CHD7: variants seen among roughly 807,000 people sequenced by gnomAD.
CHD7 encodes the protein chromodomain helicase DNA binding protein 7.
A neutral mutation model predicts 307.3 loss-of-function variants in CHD7; 24 were observed. That is an observed-to-expected ratio of 0.08 (90% confidence interval 0.06 to 0.11). CHD7 has a LOEUF of 0.11. Among genes scored for constraint, CHD7 ranks in the 10% least tolerant of loss-of-function variants. The pLI is 1.00. For missense variants in CHD7, 3,106 were observed against 3,727.1 expected (o/e 0.83, Z 4.34); for synonymous variants, 1,363 against 1,349.9 (o/e 1.01, Z -0.21).
intron 7 of CHD7, among the ~76,000 whole-genome samples, chr8:60,809,940 C>T (rs1477042828): frequency 1.3e-5 from 2 of 152,102 alleles, no homozygotes. Context: ...ATCATTTCTT[C>T]TACATTGATT....
chr8:60,772,750 G>A (rs1480312402), intron 2 of CHD7, among the ~76,000 whole-genome samples: 1 of 152,206 alleles, frequency 6.6e-6, no homozygotes, highest in Admixed American at 6.5e-5. Flanking sequence ...AAAGAGAGAA[G>A]GGAGAGAATG....
At chr8:60,681,289 C>T (rs989891718) in intron 1 of CHD7, among the ~76,000 whole-genome samples, 1 of 152,174 alleles carries the variant, frequency 6.6e-6, no homozygotes, top group Non-Finnish European at 1.5e-5. Flanking sequence ...GAAGTTGAAT[C>T]CTTCTCCCAG....
rs1482121538 is a variant in CHD7 at position 60,816,417 on chromosome 8, A to T, written c.2529A>T (p.Ile843=). 1.2e-6 allele frequency: 2 copies of T among 1,605,572 alleles called. No homozygotes were observed. The highest frequency in any genetic ancestry group is 2.2e-5 in the South Asian group (2 of 89,742). Residue 843 remains isoleucine (I), a synonymous_variant, in exon 8 of 38, where the codon ATA becomes ATT. Transcript: ENST00000423902. ...ATCTTCATTGTCAGTGGGCATCTAT[A>T]GAAGATCTGGAAAAAGATAAGAGAA... ...FSYLHCQWAS[I]EDLEKDKRIQ...
chr8:60,735,979 G>A (rs115855826), intron 1 of CHD7, among the ~76,000 whole-genome samples: 3,926 of 152,214 alleles, frequency 0.026, 170 homozygotes, highest in African/African-American at 0.09. Flanking sequence ...GGTGGCTTCT[G>A]GATTACACAG....
chr8:60,737,459 G>A (rs1808768367), intron 1 of CHD7, among the ~76,000 whole-genome samples: 1 of 152,156 alleles, frequency 6.6e-6, no homozygotes, highest in African/African-American at 2.4e-5. Context: ...GTCTATAAAA[G>A]GATTTTTTTC....
At chr8:60,853,733 T>G (rs970646392) in intron 31 of CHD7, among the ~76,000 whole-genome samples, 10 of 152,212 alleles carry the variant, frequency 6.6e-5, no homozygotes, top group Non-Finnish European at 2.9e-5. Flanking sequence ...ATGGACACAT[T>G]AGCAATTTCT....
At chr8:60,779,115 A>AT (rs759981337) in intron 2 of CHD7, among the ~76,000 whole-genome samples, 4 of 152,166 alleles carry the variant, frequency 2.6e-5, no homozygotes, top group South Asian at 2.1e-4. Context: ...GTATTTTAAG[A>AT]TTTTTTAATG....
intron 1 of CHD7, among the ~76,000 whole-genome samples, chr8:60,686,027 G>A (rs1805871196): frequency 6.6e-6 from 1 of 152,144 alleles, no homozygotes. Flanking sequence ...TCTTTAATTA[G>A]GGGTCTGTTT....
At chr8:60,740,088 G>A (rs1300859895) in intron 1 of CHD7, among the ~76,000 whole-genome samples, 2 of 152,112 alleles carry the variant, frequency 1.3e-5, no homozygotes, top group Admixed American at 6.5e-5. Context: ...GATTGTCAAC[G>A]CATTCTTTAA....
At chr8:60,768,135 C>T (rs1236479765) in intron 2 of CHD7, among the ~76,000 whole-genome samples, 1 of 151,686 alleles carries the variant, frequency 6.6e-6, no homozygotes, top group East Asian at 1.9e-4. Context: ...CTTAATACTC[C>T]CCTCTGAAAT....
At chr8:60,812,661 T>TAAA (rs1812867626) in intron 7 of CHD7, among the ~76,000 whole-genome samples, 1 of 97,674 alleles carries the variant, frequency 1.0e-5, no homozygotes, top group African/African-American at 5.7e-5. Context: ...AGACTACATC[T>TAAA]CAAAAAAAAA....
At chr8:60,700,792 C>T (rs1238582021) in intron 1 of CHD7, among the ~76,000 whole-genome samples, 4 of 152,164 alleles carry the variant, frequency 2.6e-5, no homozygotes, top group Non-Finnish European at 4.4e-5. Flanking sequence ...TTTGGGAAAG[C>T]GACTTAAGTT....
intron 5 of CHD7, 25 bp from the exon 6 acceptor site, chr8:60,801,503 T>C: frequency 6.5e-7 from 1 of 1,538,000 alleles, no homozygotes; most frequent in Non-Finnish European, 8.8e-7. Flanking sequence ...TCTATTTGGA[T>C]TGATGCACAT....
At chr8:60,800,223 G>A (rs547182747) in intron 4 of CHD7, among the ~76,000 whole-genome samples, 165 bp from the exon 5 acceptor site, 8 of 152,052 alleles carry the variant, frequency 5.3e-5, no homozygotes, top group East Asian at 3.9e-4. Context: ...TAGTAGAGAC[G>A]GTGTTTCACC....
In CHD7 at chr8:60,838,380, T is replaced by G; in HGVS notation, c.4533+125T>G. On this transcript the variant is annotated intron_variant, in intron 19 of 37. Transcript: ENST00000423902. ...AATCAAATTAATCATTAACTCCCTG[T>G]GGAACCCCTGGCACATGAAGCTTTC... The G allele has an allele frequency of 3.6e-6, 3 of 830,340 alleles. No homozygotes were observed. The Admixed American group carries it at 7.3e-5, about 20-fold the overall frequency. The allele number at this position is 830,340 out of a possible 1,614,324, so 51.4% of individuals were successfully genotyped here.
chr8:60,850,843 G>A lies in CHD7; in HGVS notation c.5535-189G>A, dbSNP rs150722063. ...TTTTCTTTTCCAAATGTCATTTCCC[G>A]CAATCTCCCCAGACCCCCTCCACCA... On this transcript the variant is annotated intron_variant, in intron 26 of 37. Coordinates refer to ENST00000423902, the MANE Select transcript of CHD7 (RefSeq NM_017780.4). 6.6e-4 allele frequency: 454 copies of A among 690,610 alleles called. 7 individuals carry two copies. In the East Asian group the frequency reaches 0.012, roughly 18 times the overall value. The allele number at this position is 690,610 out of a possible 1,614,324, so 42.8% of individuals were successfully genotyped here.
At chr8:60,793,103 G>T (rs981332430) in intron 3 of CHD7, among the ~76,000 whole-genome samples, 2 of 152,172 alleles carry the variant, frequency 1.3e-5, no homozygotes, top group African/African-American at 4.8e-5. Flanking sequence ...AAGGAAAGGG[G>T]CCCAGTGTTC....
chr8:60,810,232 A>G (rs1027779160), intron 7 of CHD7, among the ~76,000 whole-genome samples: 2 of 151,788 alleles, frequency 1.3e-5, no homozygotes, highest in Non-Finnish European at 2.9e-5. Context: ...TTAGTTATGG[A>G]GTCAGTTACT....
In CHD7 at chr8:60,867,952, A is replaced by G. The variant is rs1586472166; in HGVS notation, c.*2019A>G. 6.6e-6 allele frequency: 1 copy of G among 151,926 alleles called. No homozygotes were observed. The highest frequency in any genetic ancestry group is 2.1e-4 in the South Asian group (1 of 4,832). The allele number at this position is 151,926 out of a possible 1,614,324, so 9.4% of individuals were successfully genotyped here. A position where few individuals can be genotyped will look rare whatever the true frequency, so the allele number is the denominator to read the frequency against. ...GGTCTGCATGAAGTATAGGAAATTT[A>G]AGTATTTAAGTAACAAAGATGTTAG... On this transcript the variant is annotated 3_prime_UTR_variant, in exon 38 of 38. Coordinates refer to ENST00000423902, the MANE Select transcript of CHD7 (RefSeq NM_017780.4).
Sources: allele counts gnomAD v4.1 joint callset (sites outside exome capture counted in the v4.1 genomes callset), GRCh38; gene constraint gnomAD v4.1.1; transcripts MANE v1.5; gene names NCBI Gene and HGNC (gene_info 2026-07-23, HGNC 2026-07-21).